The following ANKRD44 variants were observed in gnomAD, a reference collection of about 807,000 sequenced individuals.
ANKRD44 encodes the protein ankyrin repeat domain 44, also known as serine/threonine-protein phosphatase 6 regulatory ankyrin repeat subunit B.
Under a neutral mutation model 116.0 loss-of-function variants are expected in ANKRD44, and 35 were observed. The observed-to-expected ratio is 0.30, with a 90% CI of 0.23 to 0.40. The LOEUF is 0.40. Among genes scored for constraint, ANKRD44 ranks in the 10% least tolerant of loss-of-function variants. ANKRD44 has a pLI of 1.00. For synonymous variants in ANKRD44, 435 were observed against 461.8 expected (o/e 0.94, Z 0.74); for missense variants, 1,014 against 1,242.6 (o/e 0.82, Z 2.77).
intron 2 of ANKRD44, among the ~76,000 whole-genome samples, chr2:197,181,315 A>T (rs73991240): frequency 0.064 from 9,802 of 152,234 alleles, 1,057 homozygotes; most frequent in African/African-American, 0.22. Flanking sequence ...TGAAAACAAA[A>T]TAAAATGGAG....
chr2:197,085,537 C>G (rs554346085), intron 13 of ANKRD44, among the ~76,000 whole-genome samples: 1 of 152,110 alleles, frequency 6.6e-6, no homozygotes, highest in Non-Finnish European at 1.5e-5. Context: ...AGTAAAGAAG[C>G]CGGTCAAAAC....
In ANKRD44 at chr2:197,116,034, G is replaced by GA. The variant is rs536963426; in HGVS notation, c.907-5191dup. Among the ~76,000 whole-genome samples, 18 of 152,174 alleles carry GA rather than the reference G, an allele frequency of 1.2e-4. No homozygotes were observed. In the South Asian group the frequency reaches 3.5e-3, roughly 30 times the overall value. On this transcript the variant is annotated intron_variant, in intron 8 of 27. Coordinates refer to ENST00000282272, the MANE Select transcript of ANKRD44 (RefSeq NM_001195144.2). ...TCTAGTTATGATCAGCAGTCCACAGGAAAAAAATAAATATTAAAATTAAGG... is the reference window on the plus strand; with the variant it reads ...TCTAGTTATGATCAGCAGTCCACAGGAAAAAAAATAAATATTAAAATTAAGG...
intron 1 of ANKRD44, among the ~76,000 whole-genome samples, chr2:197,267,059 AGAT>A (rs2082760494): frequency 6.8e-6 from 1 of 147,630 alleles, no homozygotes; most frequent in Non-Finnish European, 1.5e-5. Flanking sequence ...ATTAAATATT[AGAT>A]GAATGAATGA....
intron 16 of ANKRD44, among the ~76,000 whole-genome samples, chr2:197,065,315 G>A (rs942103019): frequency 6.6e-6 from 1 of 152,130 alleles, no homozygotes; most frequent in Non-Finnish European, 1.5e-5. Flanking sequence ...TGTGTAGAGG[G>A]AAATTTATAG....
At chr2:197,076,507 T>TA (rs2077668892) in intron 16 of ANKRD44, among the ~76,000 whole-genome samples, 1 of 152,280 alleles carries the variant, frequency 6.6e-6, no homozygotes, top group Middle Eastern at 3.4e-3. Context: ...TTGGGGTTTT[T>TA]AAAAAAACTT....
Position 197,201,835 on chromosome 2 carries a change from G to A in ANKRD44, c.28-14729C>T, listed in dbSNP as rs1210840706. Among the ~76,000 whole-genome samples the A allele has an allele frequency of 6.6e-6, 1 of 152,094 alleles. No individual in the cohort carries two copies. The highest frequency in any genetic ancestry group is 1.5e-5 in the Non-Finnish European group (1 of 68,018). ...TAATCTCTTGCCCTCCTCCCATCCT[G>A]CCCCCTTTTGGGATTCACAGTGTTT... On this transcript the variant is annotated intron_variant, in intron 1 of 27. Coordinates refer to ENST00000282272, the MANE Select transcript of ANKRD44 (RefSeq NM_001195144.2). The surrounding 1 kb of genome is among the most constrained non-coding windows in gnomAD (Gnocchi z 4.0).
chr2:196,997,744 C>G (rs886278543), intron 25 of ANKRD44, among the ~76,000 whole-genome samples: 2 of 151,488 alleles, frequency 1.3e-5, no homozygotes, highest in African/African-American at 4.8e-5. Flanking sequence ...CCACTGCTCC[C>G]GGCCTAAAAT....
intron 1 of ANKRD44, among the ~76,000 whole-genome samples, chr2:197,285,113 G>A (rs921842880): frequency 7.2e-5 from 11 of 151,752 alleles, no homozygotes; most frequent in African/African-American, 2.7e-4. Context: ...GTCTCTACTT[G>A]AATCCCTCAG....
At chr2:197,269,492 G>C (rs1197419558) in intron 1 of ANKRD44, among the ~76,000 whole-genome samples, 1 of 152,196 alleles carries the variant, frequency 6.6e-6, no homozygotes, top group East Asian at 1.9e-4. Flanking sequence ...TAGCCAATCT[G>C]TAGTAATGAA....
In ANKRD44 at chr2:196,989,523, C is replaced by CACATATAT. The variant is rs1553612141; in HGVS notation, c.*67_*68insATATATGT. 6.0e-6 allele frequency: 8 copies of CACATATAT among 1,327,844 alleles called. No individual in the cohort carries two copies. The highest frequency in any genetic ancestry group is 1.5e-5 in the African/African-American group (1 of 66,040). 82.3% of individuals were successfully genotyped at this position (1,327,844 alleles called of 1,614,324 possible). ...GGCTGATGAACTACACACACACACA[C>CACATATAT]ATATATATATATATACACACGCACA... On this transcript the variant is annotated 3_prime_UTR_variant, in exon 28 of 28. Coordinates refer to ENST00000282272, the MANE Select transcript of ANKRD44 (RefSeq NM_001195144.2).
chr2:197,228,875 A>C (rs974633112), intron 1 of ANKRD44, among the ~76,000 whole-genome samples: 10 of 152,224 alleles, frequency 6.6e-5, no homozygotes, highest in African/African-American at 1.9e-4. Flanking sequence ...GTCTCTACTA[A>C]AAATACAAAA....
At chr2:197,220,608 T>A (rs1439737257) in intron 1 of ANKRD44, among the ~76,000 whole-genome samples, 1 of 152,198 alleles carries the variant, frequency 6.6e-6, no homozygotes, top group Non-Finnish European at 1.5e-5. Context: ...AATGCTTCAA[T>A]TAATTCCTAT....
At chr2:196,990,338 C>T in intron 27 of ANKRD44, 2 of 1,000,982 alleles carry the variant, frequency 2.0e-6, no homozygotes, top group Non-Finnish European at 2.4e-6. Context: ...CTGCTAAATA[C>T]ATGAAAAGAA....
At chr2:197,238,046 A>T (rs1476670119) in intron 1 of ANKRD44, among the ~76,000 whole-genome samples, 2 of 152,230 alleles carry the variant, frequency 1.3e-5, no homozygotes, top group African/African-American at 4.8e-5. Context: ...AGCTTTCCTG[A>T]CTAGCCCTCC....
chr2:197,231,998 G>A (rs763319224), intron 1 of ANKRD44, among the ~76,000 whole-genome samples: 2 of 152,170 alleles, frequency 1.3e-5, no homozygotes, highest in African/African-American at 2.4e-5. Flanking sequence ...GGATGACTTT[G>A]TCTCCTGAAC....
chr2:197,257,372 GT>G (rs35378746), intron 1 of ANKRD44, among the ~76,000 whole-genome samples: 54,446 of 146,750 alleles, frequency 0.37, 10,150 homozygotes, highest in African/African-American at 0.45. Context: ...AAACACAGAA[GT>G]TTTTTTTTTT....
chr2:197,212,720 C>A lies in ANKRD44; in HGVS notation c.28-25614G>T, dbSNP rs2081352357. 6.6e-6 allele frequency among the ~76,000 whole-genome samples: 1 copy of A among 152,152 alleles called. No homozygotes were observed. The highest frequency in any genetic ancestry group is 2.4e-5 in the African/African-American group (1 of 41,424). On this transcript the variant is annotated intron_variant, in intron 1 of 27. Transcript: ENST00000282272. The surrounding 1 kb of genome is among the most constrained non-coding windows in gnomAD (Gnocchi z 4.8). ...TGCATCACAGCAACTGCAGTGGTGT[C>A]ATGTCAGACATGTTTTTGCTCAAAA...
At chr2:197,092,334 C>T (rs1227569961) in intron 10 of ANKRD44, among the ~76,000 whole-genome samples, 1 of 152,170 alleles carries the variant, frequency 6.6e-6, no homozygotes, top group East Asian at 1.9e-4. Context: ...CTCCATGCTT[C>T]ATAAAGAAAC....
chr2:197,278,152 TG>T, intron 1 of ANKRD44, among the ~76,000 whole-genome samples: 1 of 151,972 alleles, frequency 6.6e-6, no homozygotes, highest in Non-Finnish European at 1.5e-5. Context: ...ACGGGAGGGA[TG>T]GAAATATGCT....
Sources: gnomAD v4.1 joint callset for allele counts (sites outside exome capture counted in the v4.1 genomes callset) on GRCh38, gnomAD v4.1.1 for gene constraint, Gnocchi (gnomAD v3.1) non-coding constraint, MANE v1.5 for transcripts, NCBI Gene and HGNC (gene_info 2026-07-23, HGNC 2026-07-21) for gene names.